Variants in ATXN1 observed in about 807,000 individuals in gnomAD.
ATXN1 encodes the protein ataxin-1.
ATXN1 carries 8 observed loss-of-function variants against 56.4 expected under a neutral mutation model. The observed-to-expected ratio is 0.14, with a 90% CI of 0.08 to 0.26. ATXN1 has a LOEUF of 0.26. Among genes scored for constraint, ATXN1 ranks in the 10% least tolerant of loss-of-function variants. ATXN1 has a pLI of 1.00. For missense variants in ATXN1, 987 were observed against 1,106.5 expected (o/e 0.89, Z 1.53); for synonymous variants, 514 against 494.6 (o/e 1.04, Z -0.52).
chr6:16,391,023 G>A (rs1404066610), intron 6 of ATXN1, among the ~76,000 whole-genome samples: 7 of 151,890 alleles, frequency 4.6e-5, no homozygotes, highest in Admixed American at 1.3e-4. Context: ...TTAGCTGGGC[G>A]TAGGAGCACA....
At position 16,306,657 on chromosome 6, in the gene ATXN1, A is replaced by G; in HGVS notation, c.2120T>C (p.Leu707Pro). The G allele has an allele frequency of 6.2e-7, 1 of 1,614,234 alleles. No individual in the cohort carries two copies. Residue 707 changes from leucine (L) to proline (P), a missense_variant, in exon 8 of 8, where the codon CTG (leucine) becomes CCG (proline). Physicochemically the swap from Leu to Pro is moderately conservative, Grantham distance 98. This residue lies in a region of ATXN1 where 196 missense variants were observed against 196.7 expected (regional missense o/e 1.00). Coordinates refer to ENST00000436367, the MANE Select transcript of ATXN1 (RefSeq NM_001128164.2). This position sits in a 1 kb window ranked among gnomAD's most constrained non-coding sequence, Gnocchi z 5.2. ...KGQPVDPASVLLKHSKADGLA... is the reference protein window; with the variant it reads ...KGQPVDPASVPLKHSKADGLA... Reference sequence around the variant, plus strand: ...GCCGTCGGCCTTTGAGTGCTTCAGCAGGACGCTGGCGGGATCCACGGGCTG... The same window carrying G: ...GCCGTCGGCCTTTGAGTGCTTCAGCGGGACGCTGGCGGGATCCACGGGCTG...
chr6:16,496,068 T>C (rs1289072565), intron 5 of ATXN1, among the ~76,000 whole-genome samples: 1 of 152,208 alleles, frequency 6.6e-6, no homozygotes, highest in Non-Finnish European at 1.5e-5. Context: ...TTTACTAAAT[T>C]AAAAGCCAAC....
At chr6:16,546,941 T>G (rs1469352498) in intron 4 of ATXN1, among the ~76,000 whole-genome samples, 1 of 152,234 alleles carries the variant, frequency 6.6e-6, no homozygotes, top group Non-Finnish European at 1.5e-5. Context: ...AAACAAATGT[T>G]TCATATAATA....
intron 2 of ATXN1, among the ~76,000 whole-genome samples, chr6:16,682,428 C>A (rs982801342): frequency 6.6e-6 from 1 of 151,894 alleles, no homozygotes. Context: ...AACTCCTGAC[C>A]TCAGGTGATC....
intron 3 of ATXN1, among the ~76,000 whole-genome samples, chr6:16,657,463 G>A (rs1012737111): frequency 2.0e-5 from 3 of 152,216 alleles, no homozygotes; most frequent in South Asian, 2.1e-4. Context: ...GGAGTATCTG[G>A]TAGATGTAGT....
chr6:16,675,565 G>A (rs768617016), intron 2 of ATXN1, among the ~76,000 whole-genome samples: 1 of 152,048 alleles, frequency 6.6e-6, no homozygotes. Flanking sequence ...TCAGGGAGAG[G>A]TGGAGATGGA....
chr6:16,407,216 G>A lies in ATXN1; in HGVS notation c.-160-78746C>T, dbSNP rs1432755534. ...GCTTCATTTTAAAAGATTGTGTTGT[G>A]GGCACTACCCTTATCTTAAAGTCTT... On this transcript the variant is annotated intron_variant, in intron 6 of 7. Transcript: ENST00000436367. Among the ~76,000 whole-genome samples, 5 of 152,214 alleles carry A rather than the reference G, an allele frequency of 3.3e-5. No homozygotes were observed. In the East Asian group the frequency reaches 9.6e-4, roughly 29 times the overall value.
chr6:16,428,188 G>A (rs571809850), intron 6 of ATXN1, among the ~76,000 whole-genome samples: 5 of 146,064 alleles, frequency 3.4e-5, no homozygotes, highest in East Asian at 2.1e-4. Flanking sequence ...GGGCAATCTC[G>A]GCTCACTGCA....
Position 16,688,890 on chromosome 6 carries a change from C to T in ATXN1, c.-614-30989G>A, listed in dbSNP as rs184617078. On this transcript the variant is annotated intron_variant, in intron 2 of 7. Transcript: ENST00000436367. ...GACATCTCTCTCCTTTGTCTAGGTG[C>T]TTTACTGAAAAAAAGCATGGAAATA... is the stretch of plus-strand genomic sequence containing the variant. Among the ~76,000 whole-genome samples, 370 of 152,116 alleles carry T rather than the reference C, an allele frequency of 2.4e-3. 1 individual carries two copies. Among genetic ancestry groups the T allele is most frequent in the African/African-American group, 8.3e-3 (344 of 41,482 alleles).
chr6:16,358,616 T>C (rs906595446), intron 6 of ATXN1, among the ~76,000 whole-genome samples: 4 of 152,226 alleles, frequency 2.6e-5, no homozygotes, highest in African/African-American at 9.6e-5. Context: ...CGGCTGGTGC[T>C]GCATACTCCA....
chr6:16,519,105 C>T (rs1761239473), intron 5 of ATXN1, among the ~76,000 whole-genome samples: 1 of 152,108 alleles, frequency 6.6e-6, no homozygotes, highest in East Asian at 1.9e-4. Context: ...ATATTAATGT[C>T]ATGGTTACTA....
intron 3 of ATXN1, among the ~76,000 whole-genome samples, chr6:16,618,402 C>A (rs1346734080): frequency 1.3e-5 from 2 of 152,164 alleles, no homozygotes; most frequent in Non-Finnish European, 2.9e-5. Flanking sequence ...AAGTTCTGCA[C>A]GTGTATCCCA....
intron 6 of ATXN1, among the ~76,000 whole-genome samples, chr6:16,395,582 G>C (rs1167768228): frequency 1.3e-5 from 2 of 152,118 alleles, no homozygotes; most frequent in Non-Finnish European, 2.9e-5. Flanking sequence ...TGCAGTGCCA[G>C]TCCTATAAAA....
chr6:16,622,950 A>G (rs1435099678), intron 3 of ATXN1, among the ~76,000 whole-genome samples: 2 of 152,030 alleles, frequency 1.3e-5, no homozygotes, highest in South Asian at 4.1e-4. Context: ...ATAATCATTC[A>G]TATTTTGAAT....
At chr6:16,659,174 G>A (rs1046665760) in intron 2 of ATXN1, among the ~76,000 whole-genome samples, 14 of 152,264 alleles carry the variant, frequency 9.2e-5, no homozygotes, top group Middle Eastern at 3.4e-3. Context: ...CCATCTAGCC[G>A]GAGGAACAAC....
chr6:16,620,692 CA>C (rs1293913069), intron 3 of ATXN1, among the ~76,000 whole-genome samples: 3 of 152,190 alleles, frequency 2.0e-5, no homozygotes, highest in Admixed American at 6.5e-5. Flanking sequence ...TATGCCCCCC[CA>C]AAAGGCTTTA....
At chr6:16,515,042 C>CCTT (rs1561734550) in intron 5 of ATXN1, among the ~76,000 whole-genome samples, 1 of 151,808 alleles carries the variant, frequency 6.6e-6, no homozygotes. Context: ...ACACAGGACA[C>CCTT]CTTCGGTAGC....
At chr6:16,346,904 G>C (rs891731860) in intron 6 of ATXN1, among the ~76,000 whole-genome samples, 1 of 152,230 alleles carries the variant, frequency 6.6e-6, no homozygotes, top group Non-Finnish European at 1.5e-5. Flanking sequence ...GTGGGAACCC[G>C]GGCTGCGCGC....
At chr6:16,321,769 G>A (rs929898205) in intron 7 of ATXN1, among the ~76,000 whole-genome samples, 3 of 152,182 alleles carry the variant, frequency 2.0e-5, no homozygotes, top group African/African-American at 7.2e-5. Flanking sequence ...TGAGGTCTGT[G>A]TGCCGCTTAG....
Sources: allele counts gnomAD v4.1 joint callset (sites outside exome capture counted in the v4.1 genomes callset), GRCh38; gene constraint gnomAD v4.1.1; regional missense constraint gnomAD v4.1.1; non-coding constraint Gnocchi (gnomAD v3.1); transcripts MANE v1.5; gene names NCBI Gene and HGNC (gene_info 2026-07-23, HGNC 2026-07-21).